The following CSRNP3 variants were observed in gnomAD, a reference collection of about 807,000 sequenced individuals.
CSRNP3 encodes cysteine/serine-rich nuclear protein 3.
In CSRNP3, 12 loss-of-function variants were observed where a neutral mutation model predicts 48.0. The ratio of observed to expected loss-of-function variants is 0.25; its 90% CI spans 0.16 to 0.41. The LOEUF is 0.41. CSRNP3 is among the 10% of genes least tolerant of loss of function. CSRNP3 has a pLI of 1.00. For synonymous variants in CSRNP3, 263 were observed against 269.7 expected (o/e 0.98, Z 0.24); for missense variants, 580 against 724.4 (o/e 0.80, Z 2.29).
At chr2:165,563,661 G>A (rs1406268839) in intron 3 of CSRNP3, among the ~76,000 whole-genome samples, 1 of 152,158 alleles carries the variant, frequency 6.6e-6, no homozygotes, top group Non-Finnish European at 1.5e-5. Flanking sequence ...CTCTGGGATA[G>A]CAAGAAAGCA....
chr2:165,526,223 CTG>C (rs1452036694), intron 3 of CSRNP3, among the ~76,000 whole-genome samples: 1 of 152,130 alleles, frequency 6.6e-6, no homozygotes, highest in African/African-American at 2.4e-5. Flanking sequence ...TTGTATTACA[CTG>C]TGAATTTTAG....
At chr2:165,535,247 G>A (rs1316597101) in intron 3 of CSRNP3, among the ~76,000 whole-genome samples, 2 of 150,842 alleles carry the variant, frequency 1.3e-5, no homozygotes, top group Non-Finnish European at 3.0e-5. Flanking sequence ...CATAAGAAGA[G>A]AAATATTTGG....
rs1398016446 is a variant in CSRNP3 at position 165,684,548 on chromosome 2, A to C, written c.*4795A>C. The C allele has an allele frequency of 6.6e-6, 1 of 152,060 alleles. No homozygotes were observed. The highest frequency in any genetic ancestry group is 1.5e-5 in the Non-Finnish European group (1 of 67,992). The allele number at this position is 152,060 out of a possible 1,614,324, so 9.4% of individuals were successfully genotyped here. On this transcript the variant is annotated 3_prime_UTR_variant, in exon 7 of 7. Transcript: ENST00000651982. ...TATTCTTACCACAACCAAAACCCAA[A>C]GTTTAAAGGCTTGATTACTCTATAT... is the stretch of plus-strand genomic sequence containing the variant.
chr2:165,638,315 A>G (rs1686667785), intron 4 of CSRNP3, among the ~76,000 whole-genome samples: 1 of 152,128 alleles, frequency 6.6e-6, no homozygotes, highest in Admixed American at 6.6e-5. Context: ...TACAAAATAA[A>G]CTGGGTATGG....
chr2:165,555,132 G>A (rs1400497763), intron 3 of CSRNP3, among the ~76,000 whole-genome samples: 1 of 152,162 alleles, frequency 6.6e-6, no homozygotes, highest in East Asian at 1.9e-4. Context: ...AATCAGAAAA[G>A]AATTGCTTAC....
intron 3 of CSRNP3, among the ~76,000 whole-genome samples, chr2:165,565,693 A>G (rs1454342472): frequency 6.6e-6 from 1 of 152,078 alleles, no homozygotes; most frequent in Non-Finnish European, 1.5e-5. Flanking sequence ...TAGCATTAAT[A>G]GCAAGCCATG....
At chr2:165,478,908 T>G (rs1684003246) in intron 1 of CSRNP3, among the ~76,000 whole-genome samples, 2 of 152,224 alleles carry the variant, frequency 1.3e-5, no homozygotes, top group Admixed American at 6.5e-5. Context: ...TTCACAGAAT[T>G]TAGTTTCTAA....
At chr2:165,554,415 C>A (rs1574835187) in intron 3 of CSRNP3, among the ~76,000 whole-genome samples, 1 of 152,086 alleles carries the variant, frequency 6.6e-6, no homozygotes, top group African/African-American at 2.4e-5. Flanking sequence ...ATAGAACTAC[C>A]TATTTGACAT....
In CSRNP3 at chr2:165,688,023, G is replaced by A. The variant is rs970618989; in HGVS notation, c.*8270G>A. 1.7e-4 allele frequency: 24 copies of A among 142,438 alleles called. No homozygotes were observed. Among genetic ancestry groups the A allele is most frequent in the African/African-American group, 6.2e-4 (24 of 38,836 alleles). The allele number at this position is 142,438 out of a possible 1,614,324, so 8.8% of individuals were successfully genotyped here. A position where few individuals can be genotyped will look rare whatever the true frequency, so the allele number is the denominator to read the frequency against. Reference sequence around the variant, plus strand: ...GTTACTCCCCACAAATAACACTAGGGGGAAATGACCTTTTTTATTTAAAAA... The same window carrying A: ...GTTACTCCCCACAAATAACACTAGGAGGAAATGACCTTTTTTATTTAAAAA... On this transcript the variant is annotated 3_prime_UTR_variant, in exon 7 of 7. Transcript: ENST00000651982.
At chr2:165,571,490 T>TAC (rs1685372529) in intron 3 of CSRNP3, among the ~76,000 whole-genome samples, 1 of 151,896 alleles carries the variant, frequency 6.6e-6, no homozygotes, top group South Asian at 2.1e-4. Flanking sequence ...TACACACACA[T>TAC]ACACACACAT....
At chr2:165,666,162 G>A (rs1379971159) in intron 5 of CSRNP3, among the ~76,000 whole-genome samples, 13 of 133,042 alleles carry the variant, frequency 9.8e-5, no homozygotes, top group Admixed American at 3.0e-4. Flanking sequence ...GGAAGAAAGA[G>A]AGAGAGAGAA....
intron 2 of CSRNP3, among the ~76,000 whole-genome samples, chr2:165,516,465 C>G (rs1041584826): frequency 4.6e-5 from 7 of 152,026 alleles, no homozygotes; most frequent in African/African-American, 1.4e-4. Context: ...GCTGTACACT[C>G]TCACCACAAA....
At chr2:165,605,425 C>G (rs1262084928) in intron 4 of CSRNP3, among the ~76,000 whole-genome samples, 1 of 151,866 alleles carries the variant, frequency 6.6e-6, no homozygotes, top group African/African-American at 2.4e-5. Context: ...TACGTAGGCC[C>G]AAAGTCCTCA....
At chr2:165,560,602 G>A (rs917872673) in intron 3 of CSRNP3, among the ~76,000 whole-genome samples, 1 of 152,124 alleles carries the variant, frequency 6.6e-6, no homozygotes, top group Non-Finnish European at 1.5e-5. Flanking sequence ...TACTCTGATA[G>A]AGTCCACCTA....
intron 4 of CSRNP3, among the ~76,000 whole-genome samples, chr2:165,613,018 C>T (rs1372199728): frequency 6.6e-6 from 1 of 152,114 alleles, no homozygotes; most frequent in Admixed American, 6.5e-5. Flanking sequence ...AATGGCTGTA[C>T]TAATTTACAT....
chr2:165,549,026 A>G (rs1384491140), intron 3 of CSRNP3, among the ~76,000 whole-genome samples: 1 of 140,492 alleles, frequency 7.1e-6, no homozygotes, highest in Non-Finnish European at 1.5e-5. Flanking sequence ...TTTTTTTTTA[A>G]GTAGTAAAGG....
At chr2:165,666,063 AAAG>A (rs879880572) in intron 5 of CSRNP3, among the ~76,000 whole-genome samples, 26,311 of 74,932 alleles carry the variant, frequency 0.35, 4,332 homozygotes, top group Non-Finnish European at 0.47. Flanking sequence ...AGAGAGGAAG[AAAG>A]AAAGAGAGAG....
chr2:165,667,077 G>GAGGA (rs1284213005), intron 5 of CSRNP3, among the ~76,000 whole-genome samples: 11,370 of 56,954 alleles, frequency 0.2, 2,818 homozygotes, highest in Non-Finnish European at 0.27. Flanking sequence ...GAAAGAGAGA[G>GAGGA]AGAAAGAAAG....
At chr2:165,471,723 C>G (rs1000498229) in intron 1 of CSRNP3, among the ~76,000 whole-genome samples, 4 of 151,972 alleles carry the variant, frequency 2.6e-5, no homozygotes, top group Admixed American at 1.3e-4. Context: ...AACCCTTTCT[C>G]AATCAGCATT....
Sources: gnomAD v4.1 joint callset for allele counts (sites outside exome capture counted in the v4.1 genomes callset) on GRCh38, gnomAD v4.1.1 for gene constraint, MANE v1.5 for transcripts, NCBI Gene and HGNC (gene_info 2026-07-23, HGNC 2026-07-21) for gene names.